The following DNAAF11 variants were observed in gnomAD, a reference collection of about 807,000 sequenced individuals.
DNAAF11 encodes dynein axonemal assembly factor 11.
In DNAAF11, 45 loss-of-function variants were observed where a neutral mutation model predicts 60.8. The observed-to-expected ratio is 0.74, with a 90% CI of 0.58 to 0.95. DNAAF11 has a LOEUF of 0.95. DNAAF11 is among the 40% of genes least tolerant of loss of function. The pLI is 0.00. For synonymous variants in DNAAF11, 191 were observed against 183.5 expected (o/e 1.04, Z -0.33); for missense variants, 546 against 546.2 (o/e 1.00, Z 0.00).
chr8:132,607,946 C>T (rs1439927044), intron 10 of DNAAF11, among the ~76,000 whole-genome samples: 1 of 152,150 alleles, frequency 6.6e-6, no homozygotes, highest in African/African-American at 2.4e-5. Flanking sequence ...GTCAGACTCA[C>T]ACAATTCCAC....
intron 10 of DNAAF11, among the ~76,000 whole-genome samples, chr8:132,592,955 A>G (rs1447023489): frequency 1.3e-5 from 2 of 152,004 alleles, no homozygotes; most frequent in Admixed American, 6.6e-5. Context: ...ATACATATTA[A>G]AAGTCCGTCA....
chr8:132,584,512 T>G (rs1331871384), intron 10 of DNAAF11, among the ~76,000 whole-genome samples: 1 of 152,164 alleles, frequency 6.6e-6, no homozygotes, highest in Non-Finnish European at 1.5e-5. Context: ...TTCACTTAAT[T>G]TCTCCACCCC....
chr8:132,612,087 G>T lies in DNAAF11; in HGVS notation c.975-724C>A, dbSNP rs142508600. 3.7e-3 allele frequency among the ~76,000 whole-genome samples: 567 copies of T among 152,246 alleles called. 2 individuals are homozygous for T. The highest frequency in any genetic ancestry group is 0.013 in the African/African-American group (540 of 41,526). On this transcript the variant is annotated intron_variant, in intron 8 of 11. Transcript: ENST00000620350. ...AGCTAATACAAGGGTTACAGGCATA[G>T]GTTTGGAGTCACACAGGCTTGTGGG...
chr8:132,662,930 T>C (rs952024989), intron 1 of DNAAF11, among the ~76,000 whole-genome samples: 2 of 152,240 alleles, frequency 1.3e-5, no homozygotes, highest in African/African-American at 4.8e-5. Flanking sequence ...TACGAACTTA[T>C]CATTCATGTG....
chr8:132,581,099 A>G (rs1815279293), intron 11 of DNAAF11, among the ~76,000 whole-genome samples: 2 of 152,126 alleles, frequency 1.3e-5, no homozygotes, highest in Non-Finnish European at 2.9e-5. Context: ...GGTGCCCACA[A>G]TGGGACAAAT....
chr8:132,656,991 A>G, intron 2 of DNAAF11, 84 bp from the exon 3 acceptor site: 1 of 530,700 alleles, frequency 1.9e-6, no homozygotes, highest in South Asian at 2.3e-5. Context: ...AATAATAAAG[A>G]AAATCTAAAG....
rs1050034125 is a variant in DNAAF11 at position 132,636,951 on chromosome 8, T to C, written c.429+984A>G. Among the ~76,000 whole-genome samples, 8 of 152,270 alleles carry C rather than the reference T, an allele frequency of 5.3e-5. No homozygotes were observed. In the East Asian group the frequency reaches 1.5e-3, roughly 29 times the overall value. ...CCTTTGAGAACTGAAAAAATGCCTA[T>C]TGAACAGGCGATGTATCCATGCATT... On this transcript the variant is annotated intron_variant, in intron 4 of 11. Coordinates refer to ENST00000620350, the MANE Select transcript of DNAAF11 (RefSeq NM_012472.6).
intron 11 of DNAAF11, among the ~76,000 whole-genome samples, chr8:132,582,843 T>C (rs561248390): frequency 6.6e-6 from 1 of 152,340 alleles, no homozygotes; most frequent in Non-Finnish European, 1.5e-5. Flanking sequence ...GATTTTACCA[T>C]CTGGATGATA....
chr8:132,602,763 A>T (rs1189071376), intron 10 of DNAAF11, among the ~76,000 whole-genome samples: 1 of 150,614 alleles, frequency 6.6e-6, no homozygotes, highest in Non-Finnish European at 1.5e-5. Context: ...ATATATATAT[A>T]TATATACACA....
chr8:132,608,161 C>T (rs528142291), intron 10 of DNAAF11, among the ~76,000 whole-genome samples: 13 of 151,986 alleles, frequency 8.6e-5, no homozygotes, highest in South Asian at 2.1e-4. Context: ...ATGAAAAAGA[C>T]GACAAATTTT....
chr8:132,625,829 T>A (rs538670015), intron 5 of DNAAF11, among the ~76,000 whole-genome samples: 36 of 152,180 alleles, frequency 2.4e-4, no homozygotes, highest in Non-Finnish European at 4.6e-4. Flanking sequence ...TCTGAAGTAG[T>A]AGATCTGAAG....
At chr8:132,628,343 C>G (rs1820480995) in intron 5 of DNAAF11, among the ~76,000 whole-genome samples, 1 of 151,928 alleles carries the variant, frequency 6.6e-6, no homozygotes, top group African/African-American at 2.4e-5. Context: ...ACCCAGGAGG[C>G]AGAGATTGCG....
chr8:132,653,501 A>T (rs1823233906), intron 3 of DNAAF11, among the ~76,000 whole-genome samples: 1 of 152,150 alleles, frequency 6.6e-6, no homozygotes, highest in Admixed American at 6.5e-5. Flanking sequence ...AAGACAATAT[A>T]AATTTATTTT....
intron 8 of DNAAF11, among the ~76,000 whole-genome samples, chr8:132,612,390 T>C (rs562693093): frequency 2.2e-4 from 33 of 152,332 alleles, no homozygotes; most frequent in African/African-American, 7.9e-4. Context: ...TTTCCATGCT[T>C]GGGCCCCCTA....
At chr8:132,665,467 A>C (rs981066308) in intron 1 of DNAAF11, among the ~76,000 whole-genome samples, 2 of 152,114 alleles carry the variant, frequency 1.3e-5, no homozygotes, top group Non-Finnish European at 2.9e-5. Context: ...GGGAAGACAC[A>C]AAAGTGCCCA....
At chr8:132,619,127 G>C in intron 7 of DNAAF11, among the ~76,000 whole-genome samples, 2 of 152,278 alleles carry the variant, frequency 1.3e-5, no homozygotes, top group South Asian at 4.1e-4. Context: ...CATAAAAAAT[G>C]ATGAGTTCAT....
the DNAAF11 span, chr8:132,702,240 G>T: frequency 1.3e-5 from 2 of 152,134 alleles, no homozygotes; most frequent in African/African-American, 2.4e-5. Flanking sequence ...CATGAAATTA[G>T]GTCTGTTTTA....
At chr8:132,682,482 C>T in the DNAAF11 span, among the ~76,000 whole-genome samples, 515 of 152,308 alleles carry the variant, frequency 3.4e-3, no homozygotes, top group Non-Finnish European at 6.1e-3. Context: ...CAGCTGATCC[C>T]TGCTAGTATT....
chr8:132,632,767 C>T lies in DNAAF11; in HGVS notation c.626G>A (p.Arg209His), dbSNP rs760693690. 8 of 1,613,016 alleles carry T rather than the reference C, an allele frequency of 5.0e-6. No individual in the cohort carries two copies. The highest frequency in any genetic ancestry group is 2.2e-5 in the East Asian group (1 of 44,862). Residue 209 changes from arginine to histidine, a missense_variant, in exon 5 of 12, where the codon CGT becomes CAT. Coordinates refer to ENST00000620350, the MANE Select transcript of DNAAF11 (RefSeq NM_012472.6). ...AGTAGCATTGATGTCTGTGTACCAA[C>T]GTCCATCAAAGCCTGCGTTACTTCT... ...DKRSNAGFDG[R>H]WYTDINATLS... is the part of the protein sequence containing the mutation.
Sources: allele counts gnomAD v4.1 joint callset (sites outside exome capture counted in the v4.1 genomes callset), GRCh38; gene constraint gnomAD v4.1.1; transcripts MANE v1.5; gene names NCBI Gene and HGNC (gene_info 2026-07-23, HGNC 2026-07-21).